Variants in TMEM135 observed in about 807,000 individuals in gnomAD.
The protein encoded by TMEM135 is transmembrane protein 135, also known as peroxisomal membrane protein 52.
A neutral mutation model predicts 60.3 loss-of-function variants in TMEM135; 30 were observed. That is an observed-to-expected ratio of 0.50 (90% confidence interval 0.37 to 0.68). TMEM135 has a LOEUF of 0.68. TMEM135 is among the 30% of genes least tolerant of loss of function. TMEM135 has a pLI of 0.00. For synonymous variants in TMEM135, 190 were observed against 186.7 expected (o/e 1.02, Z -0.14); for missense variants, 468 against 548.8 (o/e 0.85, Z 1.47).
intron 4 of TMEM135, among the ~76,000 whole-genome samples, chr11:87,146,682 G>A (rs1030616448): frequency 2.0e-5 from 3 of 152,142 alleles, no homozygotes; most frequent in African/African-American, 7.2e-5. Flanking sequence ...AAAAAGTGCT[G>A]TACTAAACTA....
chr11:87,071,687 TA>T (rs1856775939), intron 3 of TMEM135, 72 bp downstream of exon 3: 3 of 897,072 alleles, frequency 3.3e-6, no homozygotes, highest in Non-Finnish European at 5.0e-6. Context: ...TTTTTTTTTT[TA>T]ATTATCACTT....
intron 5 of TMEM135, among the ~76,000 whole-genome samples, chr11:87,205,655 T>C (rs1386088679): frequency 6.6e-6 from 1 of 152,204 alleles, no homozygotes; most frequent in Non-Finnish European, 1.5e-5. Flanking sequence ...AAATTATTAA[T>C]TAGTCATTTA....
chr11:87,146,749 A>G (rs1049010572), intron 4 of TMEM135, among the ~76,000 whole-genome samples: 2 of 152,178 alleles, frequency 1.3e-5, no homozygotes, highest in African/African-American at 2.4e-5. Flanking sequence ...TTTCACGTAT[A>G]TTAATACCTG....
At chr11:87,056,253 C>G (rs1949893406) in intron 1 of TMEM135, among the ~76,000 whole-genome samples, 1 of 152,118 alleles carries the variant, frequency 6.6e-6, no homozygotes, top group Admixed American at 6.6e-5. Flanking sequence ...CATCCAGAGG[C>G]TAGGAATGCC....
intron 5 of TMEM135, among the ~76,000 whole-genome samples, chr11:87,214,825 A>G (rs999000902): frequency 1.3e-5 from 2 of 152,186 alleles, no homozygotes; most frequent in Non-Finnish European, 2.9e-5. Flanking sequence ...TATAGAGTTA[A>G]GATGTGTTAG....
intron 4 of TMEM135, among the ~76,000 whole-genome samples, chr11:87,123,405 C>CTATG (rs1251080246): frequency 1.3e-5 from 2 of 152,192 alleles, no homozygotes. Context: ...CTTCTTCTCT[C>CTATG]TCTGTCTGTG....
At chr11:87,251,852 G>C (rs925786702) in intron 6 of TMEM135, among the ~76,000 whole-genome samples, 2 of 152,170 alleles carry the variant, frequency 1.3e-5, no homozygotes, top group Non-Finnish European at 2.9e-5. Context: ...AACCAAGAGA[G>C]AAAGTTGACT....
chr11:87,061,156 TAAATA>T (rs896953409), intron 1 of TMEM135, among the ~76,000 whole-genome samples: 3 of 152,324 alleles, frequency 2.0e-5, no homozygotes, highest in African/African-American at 7.2e-5. Flanking sequence ...GCATTTTTTT[TAAATA>T]AAATAAAAAT....
intron 3 of TMEM135, among the ~76,000 whole-genome samples, chr11:87,075,770 T>G (rs191692765): frequency 6.6e-6 from 1 of 152,354 alleles, no homozygotes; most frequent in African/African-American, 2.4e-5. Context: ...CATTATGGTT[T>G]TTGCTGACGT....
chr11:87,292,066 T>G (rs1163577434), intron 6 of TMEM135, among the ~76,000 whole-genome samples: 2 of 152,134 alleles, frequency 1.3e-5, no homozygotes, highest in East Asian at 3.9e-4. Flanking sequence ...CTCTGTATCA[T>G]GGGCTGTATA....
chr11:87,044,541 G>C (rs1297919146), intron 1 of TMEM135, among the ~76,000 whole-genome samples: 2 of 152,092 alleles, frequency 1.3e-5, no homozygotes, highest in African/African-American at 2.4e-5. Flanking sequence ...ATTTTTGCTT[G>C]AGACCTAACT....
chr11:87,075,026 A>G (rs1297114193), intron 3 of TMEM135, among the ~76,000 whole-genome samples: 2 of 151,940 alleles, frequency 1.3e-5, no homozygotes, highest in African/African-American at 4.8e-5. Flanking sequence ...TGCAGCCTCA[A>G]TCTCCCGGGC....
At chr11:87,314,672 A>G in intron 12 of TMEM135, 125 bp downstream of exon 12, 3 of 743,174 alleles carry the variant, frequency 4.0e-6, no homozygotes, top group South Asian at 3.0e-5. Context: ...AGTATTTGCA[A>G]AGTTGATTCC....
chr11:87,226,448 C>T (rs1940766056), intron 5 of TMEM135, among the ~76,000 whole-genome samples: 1 of 152,114 alleles, frequency 6.6e-6, no homozygotes, highest in Non-Finnish European at 1.5e-5. Flanking sequence ...TTTCAAGTAG[C>T]AAGTTATTTT....
chr11:87,170,950 G>T (rs1387289614), intron 5 of TMEM135, among the ~76,000 whole-genome samples: 1 of 152,160 alleles, frequency 6.6e-6, no homozygotes, highest in Non-Finnish European at 1.5e-5. Flanking sequence ...ATAAGCCCCT[G>T]CCTGGGGCTG....
At chr11:87,306,047 G>A in intron 9 of TMEM135, 42 bp downstream of exon 9, 1 of 1,178,066 alleles carries the variant, frequency 8.5e-7, no homozygotes, top group Non-Finnish European at 1.2e-6. Context: ...AGTAGGGAAT[G>A]GGTATAGAAA....
At chr11:87,165,905 G>A (rs1455092504) in intron 5 of TMEM135, among the ~76,000 whole-genome samples, 1 of 150,486 alleles carries the variant, frequency 6.6e-6, no homozygotes, top group Admixed American at 6.6e-5. Context: ...TGATAAAGGG[G>A]ATATCACCAC....
intron 5 of TMEM135, among the ~76,000 whole-genome samples, chr11:87,177,315 C>G (rs1939398829): frequency 6.6e-6 from 1 of 152,142 alleles, no homozygotes; most frequent in Admixed American, 6.6e-5. Context: ...ATGGAATGCT[C>G]TTAAGACAGT....
At chr11:87,137,795 A>G (rs1443273021) in intron 4 of TMEM135, among the ~76,000 whole-genome samples, 1 of 152,192 alleles carries the variant, frequency 6.6e-6, no homozygotes, top group Non-Finnish European at 1.5e-5. Flanking sequence ...AAGACATAAC[A>G]TAGTATGTTG....
Sources: gnomAD v4.1 joint callset for allele counts (sites outside exome capture counted in the v4.1 genomes callset) on GRCh38, gnomAD v4.1.1 for gene constraint, MANE v1.5 for transcripts, NCBI Gene and HGNC (gene_info 2026-07-23, HGNC 2026-07-21) for gene names.